Variants in CPNE5 observed in about 807,000 individuals in gnomAD.
The protein encoded by CPNE5 is copine 5.
Under a neutral mutation model 81.1 loss-of-function variants are expected in CPNE5, and 42 were observed. That is an observed-to-expected ratio of 0.52 (90% CI 0.40 to 0.67). The LOEUF is 0.67. Ranked by LOEUF, CPNE5 falls within the 30% of genes least tolerant of loss-of-function variation. The pLI, the probability that CPNE5 is intolerant of heterozygous loss-of-function variation, is 0.00. For missense variants in CPNE5, 612 were observed against 815.5 expected (o/e 0.75, Z 3.04); for synonymous variants, 313 against 321.5 (o/e 0.97, Z 0.28).
intron 3 of CPNE5, among the ~76,000 whole-genome samples, chr6:36,813,991 G>A (rs1299146776): frequency 6.6e-6 from 1 of 152,194 alleles, no homozygotes; most frequent in East Asian, 1.9e-4. Context: ...CGATTAGTAA[G>A]CTGAGACTTG....
At chr6:36,792,307 G>T in intron 7 of CPNE5, 1 of 1,518,238 alleles carries the variant, frequency 6.6e-7, no homozygotes, top group Non-Finnish European at 8.8e-7. Context: ...CGAGCCTGGA[G>T]CTGCCCCACC....
chr6:36,810,239 C>G (rs1770979609), intron 3 of CPNE5, among the ~76,000 whole-genome samples: 1 of 152,114 alleles, frequency 6.6e-6, no homozygotes, highest in Admixed American at 6.5e-5. Flanking sequence ...CGGAGCCATC[C>G]CCCAGCTGCA....
In CPNE5 at chr6:36,817,471, C is replaced by T. The variant is rs149467361; in HGVS notation, c.183+4643G>A. Among the ~76,000 whole-genome samples the T allele has an allele frequency of 4.0e-3, 610 of 152,254 alleles. 5 individuals are homozygous for T. Among genetic ancestry groups the T allele is most frequent in the African/African-American group, 0.014 (578 of 41,538 alleles). Reference sequence around the variant, plus strand: ...ATGAGGTCAGCCTCCTTGATCTCTACGGACCCTTCTGCTCTGACATTCTCA... The same window carrying T: ...ATGAGGTCAGCCTCCTTGATCTCTATGGACCCTTCTGCTCTGACATTCTCA... On this transcript the variant is annotated intron_variant, in intron 3 of 20. Coordinates refer to ENST00000244751, the MANE Select transcript of CPNE5 (RefSeq NM_020939.2).
intron 12 of CPNE5, among the ~76,000 whole-genome samples, chr6:36,759,972 C>T (rs1439751631): frequency 2.0e-5 from 3 of 151,286 alleles, no homozygotes; most frequent in African/African-American, 7.3e-5. Flanking sequence ...TTTGCAAGGC[C>T]GAGGCGGGTG....
chr6:36,802,769 G>A (rs1044497716), intron 3 of CPNE5, among the ~76,000 whole-genome samples: 2 of 152,136 alleles, frequency 1.3e-5, no homozygotes, highest in South Asian at 2.1e-4. Context: ...TTCCAAAGGG[G>A]TTGGGTGCGG....
At chr6:36,770,903 G>A (rs868469415) in intron 10 of CPNE5, among the ~76,000 whole-genome samples, 3 of 151,752 alleles carry the variant, frequency 2.0e-5, no homozygotes, top group East Asian at 3.9e-4. Flanking sequence ...AAAGAACTGC[G>A]GAACACAAAT....
Position 36,749,731 on chromosome 6 carries a change from A to C in CPNE5, c.972-1464T>G, listed in dbSNP as rs1192776061. ...GAATGAAGGGTGGAGTGCATGAAAC[A>C]AGACTGGCTATGATGTGGTAATGGC... On this transcript the variant is annotated intron_variant, in intron 14 of 20. Coordinates refer to ENST00000244751, the MANE Select transcript of CPNE5 (RefSeq NM_020939.2). Among the ~76,000 whole-genome samples the C allele has an allele frequency of 3.9e-5, 6 of 152,284 alleles. No homozygotes were observed. In the East Asian group the frequency reaches 1.2e-3, roughly 29 times the overall value.
chr6:36,784,802 G>A (rs1433488401), intron 8 of CPNE5, among the ~76,000 whole-genome samples: 1 of 152,064 alleles, frequency 6.6e-6, no homozygotes, highest in Non-Finnish European at 1.5e-5. Context: ...AAATAGCCAT[G>A]TGTGGTGGTG....
chr6:36,806,634 C>G lies in CPNE5; in HGVS notation c.184-6564G>C, dbSNP rs1770617807. On this transcript the variant is annotated intron_variant, in intron 3 of 20. Transcript: ENST00000244751. ...CTCCAGTTAAACCCTCTGAGTTTCT[C>G]TTTCCTGCTGGGACCCTCACTGATA... Among the ~76,000 whole-genome samples, 6 of 152,362 alleles carry G rather than the reference C, an allele frequency of 3.9e-5. No homozygotes were observed. The South Asian group carries it at 1.2e-3, about 32-fold the overall frequency.
intron 1 of CPNE5, chr6:36,827,798 G>C: frequency 2.1e-6 from 2 of 961,878 alleles, no homozygotes; most frequent in Non-Finnish European, 2.5e-6. Flanking sequence ...GACAAGACCA[G>C]ACCACAAGTA....
At chr6:36,786,335 G>T (rs781668294) in intron 8 of CPNE5, among the ~76,000 whole-genome samples, 5 of 152,164 alleles carry the variant, frequency 3.3e-5, no homozygotes, top group Non-Finnish European at 7.3e-5. Flanking sequence ...ATACACAGAT[G>T]GTGGGCACAG....
At chr6:36,794,913 C>A (rs1331866176) in intron 6 of CPNE5, among the ~76,000 whole-genome samples, 3 of 152,296 alleles carry the variant, frequency 2.0e-5, no homozygotes, top group African/African-American at 7.2e-5. Context: ...AATTCCCAGG[C>A]CGAGCCCATA....
chr6:36,821,160 G>T (rs919790669), intron 3 of CPNE5, among the ~76,000 whole-genome samples: 6 of 115,302 alleles, frequency 5.2e-5, no homozygotes, highest in Non-Finnish European at 1.1e-4. Flanking sequence ...TCCATGGAAG[G>T]GCCACTAAGC....
chr6:36,756,793 G>A (rs1234542719), intron 12 of CPNE5, among the ~76,000 whole-genome samples: 1 of 152,086 alleles, frequency 6.6e-6, no homozygotes, highest in Non-Finnish European at 1.5e-5. Context: ...CCTCTTACTT[G>A]GCAGCAAGAA....
In CPNE5 at chr6:36,788,910, G is replaced by A. The variant is rs148230780; in HGVS notation, c.528+3123C>T. Among the ~76,000 whole-genome samples the A allele has an allele frequency of 3.4e-4, 52 of 152,202 alleles. No homozygotes were observed. The East Asian group carries it at 6.8e-3, about 20-fold the overall frequency. ...CCTTTGCTGGTTCCCACCCGCCCACGTCATCCCCATGGATGAAGAGAGGGT... is the reference window on the plus strand; with the variant it reads ...CCTTTGCTGGTTCCCACCCGCCCACATCATCCCCATGGATGAAGAGAGGGT... On this transcript the variant is annotated intron_variant, in intron 8 of 20. Transcript: ENST00000244751.
In CPNE5 at chr6:36,744,133, C is replaced by T. The variant is rs751905915; in HGVS notation, c.1489+135G>A. ...CCCTGCACACTCACCCAGACACACA[C>T]GCCCAGGCGGGAGCTCTCACTCTTT... On this transcript the variant is annotated intron_variant, in intron 19 of 20. Coordinates refer to ENST00000244751, the MANE Select transcript of CPNE5 (RefSeq NM_020939.2). 4.0e-5 allele frequency: 31 copies of T among 771,410 alleles called. No homozygotes were observed. In the East Asian group the frequency reaches 4.3e-4, roughly 11 times the overall value. The allele number at this position is 771,410 out of a possible 1,614,324, so 47.8% of individuals were successfully genotyped here.
chr6:36,754,120 G>C (rs1371352000), intron 13 of CPNE5: 4 of 152,124 alleles, frequency 2.6e-5, no homozygotes, highest in Non-Finnish European at 5.9e-5. Context: ...CCTGACTGAT[G>C]ACCATGAGAT....
intron 3 of CPNE5, among the ~76,000 whole-genome samples, chr6:36,811,429 C>T (rs530241320): frequency 2.6e-5 from 4 of 152,342 alleles, no homozygotes; most frequent in South Asian, 4.1e-4. Context: ...GCACTTTACA[C>T]GAATTAGCTT....
At chr6:36,780,224 A>G (rs9462218) in intron 8 of CPNE5, among the ~76,000 whole-genome samples, 2,732 of 152,108 alleles carry the variant, frequency 0.018, 93 homozygotes, top group African/African-American at 0.062. Context: ...CAGCCTCCCA[A>G]AGTGCTGGGA....
Sources: gnomAD v4.1 joint callset for allele counts (sites outside exome capture counted in the v4.1 genomes callset) on GRCh38, gnomAD v4.1.1 for gene constraint, MANE v1.5 for transcripts, NCBI Gene and HGNC (gene_info 2026-07-23, HGNC 2026-07-21) for gene names.